The following MACROD2 variants were observed in gnomAD, a reference collection of about 807,000 sequenced individuals.
The protein encoded by MACROD2 is ADP-ribose glycohydrolase MACROD2.
In MACROD2, 36 loss-of-function variants were observed where a neutral mutation model predicts 70.4. The observed-to-expected ratio is 0.51, with a 90% CI of 0.39 to 0.68. MACROD2 has a LOEUF of 0.68. Ranked by LOEUF, MACROD2 falls within the 30% of genes least tolerant of loss-of-function variation. The pLI is 0.00. For missense variants in MACROD2, 496 were observed against 538.4 expected (o/e 0.92, Z 0.78); for synonymous variants, 172 against 178.8 (o/e 0.96, Z 0.30).
intron 8 of MACROD2, among the ~76,000 whole-genome samples, chr20:15,663,627 A>T (rs1284323289): frequency 6.6e-6 from 1 of 152,158 alleles, no homozygotes; most frequent in Non-Finnish European, 1.5e-5. Flanking sequence ...AGACAGAAAA[A>T]AAAAACCGTG....
intron 3 of MACROD2, among the ~76,000 whole-genome samples, chr20:14,182,249 T>A (rs570956379): frequency 1.3e-5 from 2 of 152,326 alleles, no homozygotes; most frequent in African/African-American, 4.8e-5. Context: ...ATGAAGAGCA[T>A]CTTTTCATGT....
At chr20:14,660,017 G>C (rs960492618) in intron 4 of MACROD2, among the ~76,000 whole-genome samples, 1 of 152,322 alleles carries the variant, frequency 6.6e-6, no homozygotes, top group Admixed American at 6.5e-5. Context: ...AACCTGGTCT[G>C]TCTGTTGAGA....
chr20:14,549,876 A>G (rs187840230), intron 4 of MACROD2, among the ~76,000 whole-genome samples: 3 of 151,622 alleles, frequency 2.0e-5, no homozygotes, highest in East Asian at 3.9e-4. Flanking sequence ...ATTGATAACC[A>G]TTTTCATATC....
chr20:15,230,363 G>A (rs963976890), intron 6 of MACROD2, among the ~76,000 whole-genome samples: 2 of 152,082 alleles, frequency 1.3e-5, no homozygotes, highest in African/African-American at 4.8e-5. Flanking sequence ...TTATGGTAGT[G>A]GCCAGCAGAT....
rs11421938 is a variant in MACROD2 at position 15,767,957 on chromosome 20, A to AT, written c.646-94782dup. Among the ~76,000 whole-genome samples the AT allele has an allele frequency of 8.5e-3, 1,286 of 151,994 alleles. 11 individuals carry two copies. The highest frequency in any genetic ancestry group is 0.029 in the African/African-American group (1,199 of 41,406). ...TCCTTTGAAATTGAAAACCTGAAAC[A>AT]TTTTTTCTTAAGTCTATGACCAACC... On this transcript the variant is annotated intron_variant, in intron 8 of 17. Coordinates refer to ENST00000684519, the MANE Select transcript of MACROD2 (RefSeq NM_001351661.2).
chr20:14,595,759 C>T (rs62202905), intron 4 of MACROD2, among the ~76,000 whole-genome samples: 1 of 151,974 alleles, frequency 6.6e-6, no homozygotes, highest in Non-Finnish European at 1.5e-5. Context: ...GTTTTGCCTA[C>T]GTATATGCTG....
At position 16,050,060 on chromosome 20, in the gene MACROD2, GA is replaced by G. The variant is rs527392222; in HGVS notation, c.*193del. The G allele has an allele frequency of 1.1e-4, 60 of 546,062 alleles. No individual in the cohort carries two copies. Among genetic ancestry groups the G allele is most frequent in the South Asian group, 1.8e-4 (6 of 32,720 alleles). The allele number at this position is 546,062 out of a possible 1,614,324, so 33.8% of individuals were successfully genotyped here. A position where few individuals can be genotyped will look rare whatever the true frequency, so the allele number is the denominator to read the frequency against. Reference sequence around the variant, plus strand: ...TCTGCAGAAAAAGAAAGAAAAAAAAGAAAAAAAAAGTTTCCTTTAATTTGGT... The same window carrying G: ...TCTGCAGAAAAAGAAAGAAAAAAAAGAAAAAAAAGTTTCCTTTAATTTGGT... On this transcript the variant is annotated 3_prime_UTR_variant, in exon 18 of 18. Coordinates refer to ENST00000684519, the MANE Select transcript of MACROD2 (RefSeq NM_001351661.2).
chr20:15,254,024 T>C lies in MACROD2; in HGVS notation c.540+23963T>C, dbSNP rs78993334. On this transcript the variant is annotated intron_variant, in intron 6 of 17. Transcript: ENST00000684519. ...GGTGACTTTTCCTTGATATGACTTA[T>C]AGAACATTAACAGTGCTTTCTTTTC... is the stretch of plus-strand genomic sequence containing the variant. 5.8e-3 allele frequency among the ~76,000 whole-genome samples: 883 copies of C among 152,298 alleles called. 10 individuals are homozygous for C. The highest frequency in any genetic ancestry group is 0.02 in the African/African-American group (847 of 41,564).
chr20:15,429,236 T>C (rs1192250390), intron 6 of MACROD2, among the ~76,000 whole-genome samples: 1 of 152,204 alleles, frequency 6.6e-6, no homozygotes, highest in Non-Finnish European at 1.5e-5. Flanking sequence ...ACACTGTTGC[T>C]TCATGATCTG....
intron 6 of MACROD2, among the ~76,000 whole-genome samples, chr20:15,425,002 C>A (rs1235307702): frequency 6.6e-6 from 1 of 152,144 alleles, no homozygotes; most frequent in Non-Finnish European, 1.5e-5. Flanking sequence ...TGTCTGAAAC[C>A]CTTTGTTGGA....
intron 6 of MACROD2, among the ~76,000 whole-genome samples, chr20:15,294,526 G>T (rs1401083887): frequency 6.6e-6 from 1 of 152,332 alleles, no homozygotes; most frequent in East Asian, 1.9e-4. Context: ...AGGGTGGCTT[G>T]GTGCTCAGAT....
At chr20:15,675,882 C>T (rs2146846462) in intron 8 of MACROD2, among the ~76,000 whole-genome samples, 1 of 152,150 alleles carries the variant, frequency 6.6e-6, no homozygotes, top group African/African-American at 2.4e-5. Flanking sequence ...AGTGATCAGG[C>T]CAGCTTTTGT....
At chr20:15,256,134 T>C (rs1238567903) in intron 6 of MACROD2, among the ~76,000 whole-genome samples, 3 of 152,128 alleles carry the variant, frequency 2.0e-5, no homozygotes, top group Non-Finnish European at 4.4e-5. Context: ...TAAATCCTGG[T>C]CAAAAGCGAG....
intron 7 of MACROD2, among the ~76,000 whole-genome samples, chr20:15,437,808 G>A (rs1228208200): frequency 2.6e-5 from 4 of 152,134 alleles, no homozygotes; most frequent in African/African-American, 7.2e-5. Context: ...AGCTGCATCC[G>A]TATTCCTGCA....
intron 3 of MACROD2, among the ~76,000 whole-genome samples, chr20:14,121,313 A>G (rs1349989149): frequency 2.6e-5 from 4 of 152,178 alleles, no homozygotes; most frequent in Non-Finnish European, 5.9e-5. Flanking sequence ...GAGAGAGGAA[A>G]TAACGTACTC....
chr20:15,751,494 C>T (rs1473243316), intron 8 of MACROD2, among the ~76,000 whole-genome samples: 1 of 151,950 alleles, frequency 6.6e-6, no homozygotes, highest in African/African-American at 2.4e-5. Context: ...TTACTATTTC[C>T]AGGGTTTTGA....
chr20:14,711,992 G>T (rs902957998), intron 5 of MACROD2, among the ~76,000 whole-genome samples: 1 of 152,018 alleles, frequency 6.6e-6, no homozygotes, highest in Non-Finnish European at 1.5e-5. Flanking sequence ...CACATCAGAG[G>T]TTTAATGAAA....
intron 5 of MACROD2, among the ~76,000 whole-genome samples, chr20:14,881,723 G>C (rs2073612923): frequency 6.6e-6 from 1 of 152,048 alleles, no homozygotes; most frequent in South Asian, 2.1e-4. Flanking sequence ...TGAGCACTGT[G>C]GAACATTCCT....
intron 2 of MACROD2, among the ~76,000 whole-genome samples, chr20:14,074,556 T>A (rs2053892887): frequency 6.6e-6 from 1 of 152,234 alleles, no homozygotes; most frequent in Non-Finnish European, 1.5e-5. Flanking sequence ...CCTATGTTTT[T>A]TTTGAAAGGT....
Sources: gnomAD v4.1 joint callset for allele counts (sites outside exome capture counted in the v4.1 genomes callset) on GRCh38, gnomAD v4.1.1 for gene constraint, MANE v1.5 for transcripts, NCBI Gene and HGNC (gene_info 2026-07-23, HGNC 2026-07-21) for gene names.